Variants in GPC6 observed in about 807,000 individuals in gnomAD.
GPC6 encodes the protein glypican-6.
Under a neutral mutation model 55.2 loss-of-function variants are expected in GPC6, and 14 were observed. That is an observed-to-expected ratio of 0.25 (90% CI 0.17 to 0.40). The LOEUF (loss-of-function observed/expected upper bound fraction) is 0.40, where lower values mean the gene tolerates loss of function less well. Among genes scored for constraint, GPC6 ranks in the 10% least tolerant of loss-of-function variants. The pLI, the probability that GPC6 is intolerant of heterozygous loss-of-function variation, is 1.00. For synonymous variants in GPC6, 278 were observed against 259.6 expected (o/e 1.07, Z -0.68); for missense variants, 641 against 708.5 (o/e 0.90, Z 1.08).
At chr13:94,117,875 G>T (rs550201390) in intron 4 of GPC6, among the ~76,000 whole-genome samples, 1 of 152,154 alleles carries the variant, frequency 6.6e-6, no homozygotes, top group Non-Finnish European at 1.5e-5. Flanking sequence ...GGAGGTTATT[G>T]GCATATGAGT....
At chr13:94,271,358 ACACACACACGCGCGCGCGCG>A (rs1566617823) in intron 4 of GPC6, among the ~76,000 whole-genome samples, 1 of 100,388 alleles carries the variant, frequency 1.0e-5, no homozygotes, top group Non-Finnish European at 2.0e-5. Flanking sequence ...TGTTAAATAC[ACACACACACGCGCGCGCGCG>A]CGCGCACACA....
intron 2 of GPC6, among the ~76,000 whole-genome samples, chr13:93,556,966 G>T (rs1875516433): frequency 6.6e-6 from 1 of 152,050 alleles, no homozygotes; most frequent in Non-Finnish European, 1.5e-5. Context: ...ATAAGGTATG[G>T]TTATTGTAGA....
intron 4 of GPC6, among the ~76,000 whole-genome samples, chr13:94,068,797 A>T (rs1223233550): frequency 6.6e-6 from 1 of 152,150 alleles, no homozygotes; most frequent in Non-Finnish European, 1.5e-5. Context: ...GGTCACACTG[A>T]TGGAAGAGGT....
Position 94,072,374 on chromosome 13 carries a change from A to G in GPC6, c.877+44480A>G, listed in dbSNP as rs111427017. Among the ~76,000 whole-genome samples the G allele has an allele frequency of 2.3e-3, 351 of 152,148 alleles. 1 individual carries two copies. Among genetic ancestry groups the G allele is most frequent in the African/African-American group, 8.1e-3 (335 of 41,512 alleles). ...TTGTTTGCCTGTTTGTTTGTTTTTG[A>G]GACAGAGTCTCACTCTGTCTTCCAG... On this transcript the variant is annotated intron_variant, in intron 4 of 8. Coordinates refer to ENST00000377047, the MANE Select transcript of GPC6 (RefSeq NM_005708.5).
intron 1 of GPC6, among the ~76,000 whole-genome samples, chr13:93,406,684 C>A (rs896195241): frequency 6.6e-6 from 1 of 152,076 alleles, no homozygotes; most frequent in Admixed American, 6.6e-5. Flanking sequence ...TTGCATCAGT[C>A]CAAGTGATCA....
At chr13:93,309,250 A>C (rs1008481394) in intron 1 of GPC6, among the ~76,000 whole-genome samples, 23 of 152,110 alleles carry the variant, frequency 1.5e-4, no homozygotes, top group Admixed American at 1.5e-3. Flanking sequence ...TTTAAGTATA[A>C]AAGTCAATAT....
chr13:93,625,145 T>C (rs1469570982), intron 2 of GPC6, among the ~76,000 whole-genome samples: 1 of 139,492 alleles, frequency 7.2e-6, no homozygotes, highest in Non-Finnish European at 1.5e-5. Flanking sequence ...TGAATGACAG[T>C]TTTTTTTTAT....
At chr13:94,304,652 G>A (rs1249497017) in intron 5 of GPC6, among the ~76,000 whole-genome samples, 3 of 152,188 alleles carry the variant, frequency 2.0e-5, no homozygotes, top group Non-Finnish European at 2.9e-5. Context: ...TGTAGTTCTA[G>A]TAAAGGTATT....
chr13:93,614,171 A>C (rs1346603636), intron 2 of GPC6, among the ~76,000 whole-genome samples: 2 of 152,178 alleles, frequency 1.3e-5, no homozygotes, highest in Non-Finnish European at 2.9e-5. Context: ...TACCATGTTA[A>C]CATAAATGTT....
chr13:94,197,090 G>A (rs1889600533), intron 4 of GPC6, among the ~76,000 whole-genome samples: 1 of 152,104 alleles, frequency 6.6e-6, no homozygotes, highest in African/African-American at 2.4e-5. Flanking sequence ...AATCTACAGG[G>A]AGAAAGGAAA....
At chr13:94,210,572 A>C (rs1890047416) in intron 4 of GPC6, among the ~76,000 whole-genome samples, 1 of 152,214 alleles carries the variant, frequency 6.6e-6, no homozygotes, top group Non-Finnish European at 1.5e-5. Context: ...AAATTGTATT[A>C]GAACAGGAGG....
At chr13:94,295,338 T>C (rs1875268577) in intron 5 of GPC6, among the ~76,000 whole-genome samples, 1 of 152,232 alleles carries the variant, frequency 6.6e-6, no homozygotes, top group African/African-American at 2.4e-5. Context: ...AGCATTTTAA[T>C]TGCTATTATT....
chr13:94,252,184 G>T (rs556611175), intron 4 of GPC6, among the ~76,000 whole-genome samples: 3 of 152,080 alleles, frequency 2.0e-5, no homozygotes, highest in Non-Finnish European at 4.4e-5. Flanking sequence ...CTGGAATCAA[G>T]GCTCTTCTGT....
At chr13:93,652,538 A>G (rs1384629329) in intron 2 of GPC6, among the ~76,000 whole-genome samples, 2 of 152,162 alleles carry the variant, frequency 1.3e-5, no homozygotes, top group Non-Finnish European at 2.9e-5. Flanking sequence ...TGCCCAGTGG[A>G]GGTAGAAACA....
intron 2 of GPC6, among the ~76,000 whole-genome samples, chr13:93,745,441 C>T (rs891108974): frequency 1.3e-5 from 2 of 152,146 alleles, no homozygotes; most frequent in African/African-American, 4.8e-5. Context: ...CTCCTCTCAT[C>T]ACCTTGTTAA....
intron 2 of GPC6, among the ~76,000 whole-genome samples, chr13:93,789,390 C>T (rs1885920537): frequency 6.7e-6 from 1 of 150,190 alleles, no homozygotes; most frequent in Non-Finnish European, 1.5e-5. Flanking sequence ...TCCTACTCTC[C>T]AGGAAGGTCA....
chr13:94,274,915 T>C (rs1892156178), intron 4 of GPC6, among the ~76,000 whole-genome samples: 1 of 152,044 alleles, frequency 6.6e-6, no homozygotes, highest in Non-Finnish European at 1.5e-5. Flanking sequence ...TTATAACACA[T>C]CAAAAGCCAC....
chr13:94,162,788 G>A (rs1050386770), intron 4 of GPC6, among the ~76,000 whole-genome samples: 5 of 152,010 alleles, frequency 3.3e-5, no homozygotes, highest in African/African-American at 1.2e-4. Context: ...GCATATATAT[G>A]TTGTGATTCT....
At chr13:94,257,539 A>G (rs1213416204) in intron 4 of GPC6, among the ~76,000 whole-genome samples, 2 of 152,176 alleles carry the variant, frequency 1.3e-5, no homozygotes, top group Admixed American at 1.3e-4. Context: ...GAACCCCACA[A>G]GTATTTCTGT....
Sources: gnomAD v4.1 joint callset for allele counts (sites outside exome capture counted in the v4.1 genomes callset) on GRCh38, gnomAD v4.1.1 for gene constraint, MANE v1.5 for transcripts, NCBI Gene and HGNC (gene_info 2026-07-23, HGNC 2026-07-21) for gene names.